AFG1L: variants seen among roughly 807,000 people sequenced by gnomAD.
AFG1L encodes AFG1-like ATPase.
Under a neutral mutation model 62.2 loss-of-function variants are expected in AFG1L, and 53 were observed. The ratio of observed to expected loss-of-function variants is 0.85; its 90% CI spans 0.68 to 1.07. The LOEUF (loss-of-function observed/expected upper bound fraction) is 1.07, where lower values mean the gene tolerates loss of function less well. Among genes scored for constraint, AFG1L ranks in the 50% least tolerant of loss-of-function variants. The pLI is 0.00. For missense variants in AFG1L, 555 were observed against 590.5 expected, an observed-to-expected ratio of 0.94 and a Z score of 0.62; for synonymous variants, 228 against 210.3, an observed-to-expected ratio of 1.08 and a Z score of -0.73.
At chr6:108,353,087 C>T (rs1779143687) in intron 3 of AFG1L, among the ~76,000 whole-genome samples, 1 of 151,196 alleles carries the variant, frequency 6.6e-6, no homozygotes, top group African/African-American at 2.4e-5. Flanking sequence ...TGAATCCCTG[C>T]TTTCGGTTGT....
intron 1 of AFG1L, among the ~76,000 whole-genome samples, chr6:108,316,667 G>A (rs1777614555): frequency 6.6e-6 from 1 of 151,068 alleles, no homozygotes; most frequent in Non-Finnish European, 1.5e-5. Flanking sequence ...CGAGTAGCTG[G>A]GACTACAGGC....
intron 11 of AFG1L, among the ~76,000 whole-genome samples, chr6:108,513,020 G>T (rs1213973627): frequency 6.6e-6 from 1 of 152,152 alleles, no homozygotes; most frequent in African/African-American, 2.4e-5. Context: ...GTCAACACAT[G>T]ATTTTTAAGT....
At chr6:108,449,310 G>A (rs1008240816) in intron 8 of AFG1L, among the ~76,000 whole-genome samples, 1 of 151,832 alleles carries the variant, frequency 6.6e-6, no homozygotes, top group Non-Finnish European at 1.5e-5. Context: ...AGATAAATTT[G>A]TTCCTGAATT....
At chr6:108,469,804 A>G (rs1019168792) in intron 8 of AFG1L, among the ~76,000 whole-genome samples, 17 of 152,188 alleles carry the variant, frequency 1.1e-4, no homozygotes, top group Non-Finnish European at 2.5e-4. Context: ...CCATCAAGAA[A>G]GGCAGACTTA....
At chr6:108,400,716 ATATATAT>A (rs1175915343) in intron 6 of AFG1L, among the ~76,000 whole-genome samples, 67 of 123,382 alleles carry the variant, frequency 5.4e-4, no homozygotes, top group African/African-American at 2.0e-3. Flanking sequence ...TATATATTTA[ATATATAT>A]TATATATAAT....
At chr6:108,444,752 A>C (rs1771691895) in intron 7 of AFG1L, among the ~76,000 whole-genome samples, 1 of 152,236 alleles carries the variant, frequency 6.6e-6, no homozygotes, top group African/African-American at 2.4e-5. Flanking sequence ...CATACTGTAA[A>C]CAGATGTGCT....
At chr6:108,303,507 A>G (rs117145043) in intron 1 of AFG1L, among the ~76,000 whole-genome samples, 2,915 of 151,384 alleles carry the variant, frequency 0.019, 32 homozygotes, top group Non-Finnish European at 0.029. Context: ...GACCATTTCT[A>G]CTCCTTGCCT....
At chr6:108,418,400 T>C (rs1770427088) in intron 7 of AFG1L, among the ~76,000 whole-genome samples, 1 of 152,216 alleles carries the variant, frequency 6.6e-6, no homozygotes, top group Non-Finnish European at 1.5e-5. Context: ...ATATTTAGTA[T>C]CTGACCCTTT....
chr6:108,344,403 G>T (rs145895462), intron 2 of AFG1L, among the ~76,000 whole-genome samples: 1 of 152,080 alleles, frequency 6.6e-6, no homozygotes, highest in South Asian at 2.1e-4. Context: ...ATGAGCCATC[G>T]CGCCCAGCCT....
At chr6:108,334,157 C>T (rs529094615) in intron 2 of AFG1L, among the ~76,000 whole-genome samples, 56 of 152,186 alleles carry the variant, frequency 3.7e-4, no homozygotes, top group African/African-American at 1.3e-3. Context: ...AAGGCATGCG[C>T]CACCACGCCT....
At chr6:108,420,763 T>C (rs1160952048) in intron 7 of AFG1L, among the ~76,000 whole-genome samples, 1 of 152,110 alleles carries the variant, frequency 6.6e-6, no homozygotes, top group Non-Finnish European at 1.5e-5. Flanking sequence ...ATTATATATT[T>C]GTAGTTATCT....
Position 108,355,721 on chromosome 6 carries a change from T to C in AFG1L, c.483T>C (p.Val161=). Residue 161 remains valine, a synonymous_variant, in exon 4 of 13, where the codon GTT becomes GTC. Coordinates refer to ENST00000368977, the MANE Select transcript of AFG1L (RefSeq NM_145315.5). ...AYVEMKRKKR[V]HFHGFMLDVH... is the part of the protein sequence containing the mutation. The stretch of plus-strand genomic sequence containing the variant: ...TGGAAATGAAGAGGAAAAAACGGGT[T>C]CATTTTCATGGTTTCATGCTAGATG... The C allele has an allele frequency of 6.2e-7, 1 of 1,611,106 alleles. No homozygotes were observed. Among genetic ancestry groups the C allele is most frequent in the Non-Finnish European group, 8.5e-7 (1 of 1,178,910 alleles).
intron 7 of AFG1L, among the ~76,000 whole-genome samples, chr6:108,402,467 TAAAAA>T (rs55775052): frequency 1.1e-5 from 1 of 91,180 alleles, no homozygotes; most frequent in Non-Finnish European, 2.1e-5. Context: ...CCGTCTCGAA[TAAAAA>T]AAAAAAAAAA....
intron 6 of AFG1L, among the ~76,000 whole-genome samples, chr6:108,381,380 T>C (rs1780510527): frequency 1.3e-5 from 2 of 151,960 alleles, no homozygotes; most frequent in African/African-American, 4.8e-5. Flanking sequence ...AGAAGAGACC[T>C]GGATTATGGT....
At chr6:108,353,393 C>A (rs1185886751) in intron 3 of AFG1L, among the ~76,000 whole-genome samples, 2 of 152,006 alleles carry the variant, frequency 1.3e-5, no homozygotes, top group East Asian at 3.9e-4. Context: ...TAGGCTCAAG[C>A]AATTCTCCCT....
At chr6:108,433,104 G>GA (rs1771146383) in intron 7 of AFG1L, among the ~76,000 whole-genome samples, 1 of 152,150 alleles carries the variant, frequency 6.6e-6, no homozygotes, top group Admixed American at 6.5e-5. Context: ...TTGTTACTTT[G>GA]AAGAGGGCAG....
At chr6:108,449,480 A>G (rs1278012208) in intron 8 of AFG1L, among the ~76,000 whole-genome samples, 1 of 152,170 alleles carries the variant, frequency 6.6e-6, no homozygotes, top group East Asian at 1.9e-4. Flanking sequence ...AGGATGCTAG[A>G]GATGTGTATT....
At chr6:108,480,834 T>C (rs1045970490) in intron 10 of AFG1L, among the ~76,000 whole-genome samples, 9 of 152,094 alleles carry the variant, frequency 5.9e-5, no homozygotes, top group African/African-American at 1.9e-4. Flanking sequence ...ATAAATAAAG[T>C]GTAATCAGAT....
intron 5 of AFG1L, among the ~76,000 whole-genome samples, chr6:108,361,897 C>T (rs1779547730): frequency 6.6e-6 from 1 of 152,122 alleles, no homozygotes; most frequent in African/African-American, 2.4e-5. Context: ...ATGTAATTTA[C>T]TTATTTATTG....
Sources: gnomAD v4.1 joint callset for allele counts (sites outside exome capture counted in the v4.1 genomes callset) on GRCh38, gnomAD v4.1.1 for gene constraint, MANE v1.5 for transcripts, NCBI Gene and HGNC (gene_info 2026-07-23, HGNC 2026-07-21) for gene names.